FYCO1: variants seen among roughly 807,000 people sequenced by gnomAD.
The protein encoded by FYCO1 is FYVE and coiled-coil domain autophagy adaptor 1.
In FYCO1, 122 loss-of-function variants were observed where a neutral mutation model predicts 165.1. The ratio of observed to expected loss-of-function variants is 0.74; its 90% CI spans 0.64 to 0.86. The LOEUF is 0.86. Among genes scored for constraint, FYCO1 ranks in the 40% least tolerant of loss-of-function variants. The pLI is 0.00. For synonymous variants in FYCO1, 648 were observed against 742.5 expected, an observed-to-expected ratio of 0.87 and a Z score of 2.07; for missense variants, 1,702 against 1,810.3, an observed-to-expected ratio of 0.94 and a Z score of 1.09.
intron 6 of FYCO1, among the ~76,000 whole-genome samples, chr3:45,970,165 T>A (rs1706342094): frequency 6.6e-6 from 1 of 152,174 alleles, no homozygotes; most frequent in Admixed American, 6.5e-5. Flanking sequence ...ACAGCAACAG[T>A]GTGGCTGGGA....
chr3:45,994,218 C>CAAAAAAAAAA (rs11328676), intron 1 of FYCO1, among the ~76,000 whole-genome samples: 1 of 136,912 alleles, frequency 7.3e-6, no homozygotes, highest in Non-Finnish European at 1.6e-5. Flanking sequence ...AAAGTAACTG[C>CAAAAAAAAAA]AAAAAAAAAA....
At chr3:45,928,331 C>T (rs779378431) in intron 16 of FYCO1, among the ~76,000 whole-genome samples, 2 of 152,218 alleles carry the variant, frequency 1.3e-5, no homozygotes, top group African/African-American at 4.8e-5. Flanking sequence ...AACAGGCCAT[C>T]GACCTCTGGC....
At chr3:45,943,949 T>C (rs546093153) in intron 14 of FYCO1, among the ~76,000 whole-genome samples, 1 of 152,236 alleles carries the variant, frequency 6.6e-6, no homozygotes, top group Non-Finnish European at 1.5e-5. Flanking sequence ...ATCAACATAC[T>C]ACTGTAGAAA....
chr3:45,980,837 T>A (rs192953023), intron 3 of FYCO1, among the ~76,000 whole-genome samples: 14 of 152,266 alleles, frequency 9.2e-5, no homozygotes, highest in African/African-American at 2.9e-4. Context: ...TAGAAAAAAA[T>A]TTAACACCTA....
chr3:45,962,788 C>A lies in FYCO1; in HGVS notation c.3270-396G>T, dbSNP rs934075759. Among the ~76,000 whole-genome samples the A allele has an allele frequency of 6.6e-6, 1 of 152,122 alleles. No individual in the cohort carries two copies. Among genetic ancestry groups the A allele is most frequent in the South Asian group, 2.1e-4 (1 of 4,826 alleles). Reference sequence around the variant, plus strand: ...AGAGGTGTAGCTTCCTGGAGGTGGCCACACAGAGGAGGGCCTGTCTTCCAC... The same window carrying A: ...AGAGGTGTAGCTTCCTGGAGGTGGCAACACAGAGGAGGGCCTGTCTTCCAC... On this transcript the variant is annotated intron_variant, in intron 10 of 17. Transcript: ENST00000296137. This position sits in a 1 kb window ranked among gnomAD's most constrained non-coding sequence, Gnocchi z 4.4.
rs1214243001 is a variant in FYCO1 at position 45,968,772 on chromosome 3, GA to G, written c.631-70del. ...TACAGGGCTATTTAGAAAAGCTTTA[GA>G]GTTTAATGAGAGCAGAGGTAAAAAT... On this transcript the variant is annotated intron_variant, in intron 7 of 17. Transcript: ENST00000296137. 149 of 1,582,218 alleles carry G rather than the reference GA, an allele frequency of 9.4e-5. No homozygotes were observed. The African/African-American group carries it at 1.7e-3, about 18-fold the overall frequency.
At position 45,919,483 on chromosome 3, in the gene FYCO1, TG is replaced by T. The variant is rs767743491; in HGVS notation, c.*2281del. 4 of 152,224 alleles carry T rather than the reference TG, an allele frequency of 2.6e-5. No individual in the cohort carries two copies. The highest frequency in any genetic ancestry group is 4.4e-5 in the Non-Finnish European group (3 of 68,066). The allele number at this position is 152,224 out of a possible 1,614,324, so 9.4% of individuals were successfully genotyped here. A position where few individuals can be genotyped will look rare whatever the true frequency, so the allele number is the denominator to read the frequency against. ...GAACAATAGCAGTCAGTGCTCAAGGTGTTGCACGCAAAACATCCAGCTCTCC... is the reference window on the plus strand; with the variant it reads ...GAACAATAGCAGTCAGTGCTCAAGGTTTGCACGCAAAACATCCAGCTCTCC... On this transcript the variant is annotated 3_prime_UTR_variant, in exon 18 of 18. Transcript: ENST00000296137.
Position 45,936,565 on chromosome 3 carries a change from C to G in FYCO1, c.3945-22G>C, listed in dbSNP as rs553896769. The G allele has an allele frequency of 2.6e-6, 4 of 1,529,604 alleles. No individual in the cohort carries two copies. The African/African-American group carries it at 4.1e-5, about 16-fold the overall frequency. The allele number at this position is 1,529,604 out of a possible 1,614,324, so 94.8% of individuals were successfully genotyped here. On this transcript the variant is annotated intron_variant, in intron 14 of 17. Coordinates refer to ENST00000296137, the MANE Select transcript of FYCO1 (RefSeq NM_024513.4). ...ATCCCTGAAATGTCACAAATGAGAA[C>G]ACAGTCATTTAGCTATCAACACACA...
intron 10 of FYCO1, among the ~76,000 whole-genome samples, chr3:45,963,957 T>C (rs960018700): frequency 2.9e-4 from 44 of 152,202 alleles, no homozygotes; most frequent in Non-Finnish European, 1.9e-4. Context: ...GGTAAATGTA[T>C]GCAAAGTATT....
intron 4 of FYCO1, among the ~76,000 whole-genome samples, chr3:45,977,039 T>C (rs1706795235): frequency 6.6e-6 from 1 of 152,166 alleles, no homozygotes; most frequent in Non-Finnish European, 1.5e-5. Context: ...TGGTATATCC[T>C]GTCTAAATCA....
At chr3:45,946,941 C>T (rs1559449397) in intron 14 of FYCO1, 1 of 1,614,104 alleles carries the variant, frequency 6.2e-7, no homozygotes. Flanking sequence ...CACCAGCTTG[C>T]TCATCTGGGT....
At chr3:45,988,882 T>C (rs1707438954) in intron 1 of FYCO1, among the ~76,000 whole-genome samples, 1 of 152,144 alleles carries the variant, frequency 6.6e-6, no homozygotes, top group Admixed American at 6.5e-5. Context: ...GACCTCCAAG[T>C]TTTTTCTATA....
chr3:45,975,845 G>A (rs531677555), intron 4 of FYCO1, among the ~76,000 whole-genome samples: 4 of 152,204 alleles, frequency 2.6e-5, no homozygotes, highest in Non-Finnish European at 5.9e-5. Context: ...GGGAACAGGT[G>A]CAGGGGAAGG....
chr3:45,929,767 T>A (rs1217202983), intron 16 of FYCO1, among the ~76,000 whole-genome samples: 1 of 151,594 alleles, frequency 6.6e-6, no homozygotes, highest in African/African-American at 2.4e-5. Flanking sequence ...CCCAAGGGAG[T>A]AGAGTTACAT....
In FYCO1 at chr3:45,919,745, T is replaced by C; in HGVS notation, c.*2020A>G. On this transcript the variant is annotated 3_prime_UTR_variant, in exon 18 of 18. Coordinates refer to ENST00000296137, the MANE Select transcript of FYCO1 (RefSeq NM_024513.4). ...ATTCTAGATTGCTCTGGGTTCTCTTTTGTTAGTTTCTTTCTAACAGTGAAC... is the reference window on the plus strand; with the variant it reads ...ATTCTAGATTGCTCTGGGTTCTCTTCTGTTAGTTTCTTTCTAACAGTGAAC... The C allele has an allele frequency of 6.6e-6, 1 of 152,238 alleles. No individual in the cohort carries two copies. Among genetic ancestry groups the C allele is most frequent in the East Asian group, 1.9e-4 (1 of 5,194 alleles). The allele number at this position is 152,238 out of a possible 1,614,324, so 9.4% of individuals were successfully genotyped here. A position where few individuals can be genotyped will look rare whatever the true frequency, so the allele number is the denominator to read the frequency against.
chr3:45,932,655 C>T (rs1371988687), intron 15 of FYCO1, among the ~76,000 whole-genome samples: 1 of 152,124 alleles, frequency 6.6e-6, no homozygotes, highest in African/African-American at 2.4e-5. Context: ...CATCTGCCTC[C>T]AAAGCTGTGG....
intron 15 of FYCO1, among the ~76,000 whole-genome samples, chr3:45,931,673 C>T (rs1559441305): frequency 6.6e-6 from 1 of 152,330 alleles, no homozygotes; most frequent in South Asian, 2.1e-4. Flanking sequence ...TGCTGCTCAG[C>T]CATCTGTTTT....
At position 45,959,304 on chromosome 3, in the gene FYCO1, A is replaced by G; in HGVS notation, c.3587+89T>C. On this transcript the variant is annotated intron_variant, in intron 12 of 17. Transcript: ENST00000296137. The stretch of plus-strand genomic sequence containing the variant: ...CTAAATAGTCAGCCATGGTGCCAAC[A>G]CCTATCACAGAGTCCTCTTTTGGAG... 8 of 1,405,388 alleles carry G rather than the reference A, an allele frequency of 5.7e-6. No homozygotes were observed. The South Asian group carries it at 9.3e-5, about 16-fold the overall frequency. 87.1% of individuals were successfully genotyped at this position (1,405,388 alleles called of 1,614,324 possible). A position where few individuals can be genotyped will look rare whatever the true frequency, so the allele number is the denominator to read the frequency against.
rs1255035103 is a variant in FYCO1, at chr3:45,967,254, G to A, written c.2080C>T (p.Gln694Ter). 1.9e-6 allele frequency: 3 copies of A among 1,614,110 alleles called. No individual in the cohort carries two copies. The highest frequency in any genetic ancestry group is 1.1e-5 in the South Asian group (1 of 91,088). ...VRKAKEAMKA[Q>*]MAEKEAILQS... ...AGAATGGCCTCCTTCTCTGCCATCT[G>A]GGCTTTCATGGCCTCCTTGGCCTTC... The change falls in exon 8 of 18, where the codon CAG becomes TAG. Residue 694 changes from glutamine to a stop codon, truncating the protein, a stop_gained. Transcript: ENST00000296137. LOFTEE classifies it high-confidence loss of function.
Sources: gnomAD v4.1 joint callset for allele counts (sites outside exome capture counted in the v4.1 genomes callset) on GRCh38, gnomAD v4.1.1 for gene constraint, Gnocchi (gnomAD v3.1) non-coding constraint, MANE v1.5 for transcripts, NCBI Gene and HGNC (gene_info 2026-07-23, HGNC 2026-07-21) for gene names.